BARD1: variants seen among roughly 807,000 people sequenced by gnomAD.
BARD1 encodes BRCA1-associated RING domain protein 1.
In BARD1, 73 loss-of-function variants were observed where a neutral mutation model predicts 77.0. The ratio of observed to expected loss-of-function variants is 0.95; its 90% confidence interval spans 0.79 to 1.15. The LOEUF (loss-of-function observed/expected upper bound fraction) is 1.15. Ranked by LOEUF, BARD1 falls within the 50% of genes most tolerant of loss-of-function variation. BARD1 has a pLI of 0.00. For synonymous variants in BARD1, 384 were observed against 338.0 expected (o/e 1.14, Z -1.49); for missense variants, 993 against 938.8 (o/e 1.06, Z -0.75).
rs1270302738 is a variant in BARD1, at chr2:214,727,286, G to A, written c.*1390C>T. 1 of 230,948 alleles carries A rather than the reference G, an allele frequency of 4.3e-6. No individual in the cohort carries two copies. Among genetic ancestry groups the A allele is most frequent in the Non-Finnish European group, 8.6e-6 (1 of 116,738 alleles). 14.3% of individuals were successfully genotyped at this position (230,948 alleles called of 1,614,324 possible). On this transcript the variant is annotated 3_prime_UTR_variant, in exon 11 of 11. Coordinates refer to ENST00000260947, the MANE Select transcript of BARD1 (RefSeq NM_000465.4). ...AACAGAATCTCAAACTTTCAAGTAA[G>A]TGCATCTTAAGATGTTGATGAACTT...
intron 2 of BARD1, among the ~76,000 whole-genome samples, chr2:214,792,780 T>C (rs1212641480): frequency 6.6e-6 from 1 of 152,304 alleles, no homozygotes; most frequent in East Asian, 1.9e-4. Context: ...TAACTTTTTC[T>C]ATCTTAACAT....
intron 2 of BARD1, among the ~76,000 whole-genome samples, chr2:214,795,727 G>C (rs78012796): frequency 6.6e-6 from 1 of 152,132 alleles, no homozygotes; most frequent in African/African-American, 2.4e-5. Context: ...AGAACTTAGC[G>C]ATGTGGGATA....
chr2:214,801,853 G>GA (rs976520220), intron 1 of BARD1, among the ~76,000 whole-genome samples: 3 of 149,436 alleles, frequency 2.0e-5, no homozygotes, highest in Middle Eastern at 3.4e-3. Flanking sequence ...ATTTGGCGGG[G>GA]GGGGGGGTTG....
At position 214,781,091 on chromosome 2, in the gene BARD1, T is replaced by C. The variant is rs201862973; in HGVS notation, c.783A>G (p.Leu261=). 61 of 1,590,464 alleles carry C rather than the reference T, an allele frequency of 3.8e-5. No homozygotes were observed. The East Asian group carries it at 1.1e-3, about 30-fold the overall frequency. ...SPQINGEIDL[L]ASGSLTESEC... Reference sequence around the variant, plus strand: ...CAGATTCTGTCAAGGAGCCACTTGCTAGTAAGTCTATTTCACCATTTATCT... The same window carrying C: ...CAGATTCTGTCAAGGAGCCACTTGCCAGTAAGTCTATTTCACCATTTATCT... The change falls in exon 4 of 11, where the codon CTA becomes CTG. Residue 261 remains leucine, a synonymous_variant. Transcript: ENST00000260947.
chr2:214,784,329 T>A (rs1324880826), intron 3 of BARD1, among the ~76,000 whole-genome samples: 1 of 152,106 alleles, frequency 6.6e-6, no homozygotes, highest in East Asian at 1.9e-4. Flanking sequence ...CAATGAGATA[T>A]CATCTCACGC....
intron 1 of BARD1, among the ~76,000 whole-genome samples, chr2:214,807,325 A>C (rs1696320992): frequency 6.6e-6 from 1 of 152,164 alleles, no homozygotes; most frequent in Non-Finnish European, 1.5e-5. Context: ...GTTGCCTCTT[A>C]CTGTCTACTC....
At chr2:214,738,308 T>C (rs1692657520) in intron 9 of BARD1, among the ~76,000 whole-genome samples, 1 of 152,276 alleles carries the variant, frequency 6.6e-6, no homozygotes, top group East Asian at 1.9e-4. Flanking sequence ...TGAGATCTTA[T>C]TAATTTTTTA....
At chr2:214,801,616 C>T (rs1376779727) in intron 1 of BARD1, among the ~76,000 whole-genome samples, 2 of 152,142 alleles carry the variant, frequency 1.3e-5, no homozygotes, top group African/African-American at 4.8e-5. Flanking sequence ...AGCCTATGTC[C>T]ATCTCTTGGA....
intron 4 of BARD1, among the ~76,000 whole-genome samples, chr2:214,778,245 A>C (rs1694823391): frequency 7.0e-6 from 1 of 142,856 alleles, no homozygotes; most frequent in Non-Finnish European, 1.5e-5. Flanking sequence ...AAATATATTT[A>C]TATAAGCAAA....
chr2:214,768,288 CT>C (rs60632302), intron 5 of BARD1, among the ~76,000 whole-genome samples: 56,453 of 151,940 alleles, frequency 0.37, 10,611 homozygotes, highest in Middle Eastern at 0.44. Flanking sequence ...GCATTCTATA[CT>C]TTTTAAGTAC....
chr2:214,736,088 T>C (rs1044545622), intron 9 of BARD1, among the ~76,000 whole-genome samples: 32 of 152,180 alleles, frequency 2.1e-4, no homozygotes, highest in African/African-American at 7.7e-4. Context: ...TTGAAAATTG[T>C]TTACATATAA....
chr2:214,781,284 T>C lies in BARD1; in HGVS notation c.590A>G (p.Lys197Arg), dbSNP rs2106111602. The C allele has an allele frequency of 6.2e-7, 1 of 1,603,990 alleles. No homozygotes were observed. The highest frequency in any genetic ancestry group is 8.5e-7 in the Non-Finnish European group (1 of 1,177,394). ...CTTTTTTCCAGATCTTGCAGAAGCC[T>C]TTTTAGCCCTCTCAGAAACATCTGC... ...PPADVSERAK[K>R]ASARSGKKQK... The change falls in exon 4 of 11, where the codon AAG becomes AGG. Residue 197 changes from lysine (K) to arginine (R), a missense_variant. Transcript: ENST00000260947.
intron 6 of BARD1, among the ~76,000 whole-genome samples, chr2:214,754,740 A>G (rs1305146571): frequency 6.6e-6 from 1 of 152,092 alleles, no homozygotes; most frequent in Non-Finnish European, 1.5e-5. Flanking sequence ...TGGATTATGG[A>G]TGGCTTCTGC....
intron 7 of BARD1, among the ~76,000 whole-genome samples, chr2:214,751,151 ATTTTTTTT>A (rs60746999): frequency 2.7e-5 from 1 of 37,188 alleles, no homozygotes; most frequent in African/African-American, 1.2e-4. Flanking sequence ...ATATATATAT[ATTTTTTTT>A]TTTTTTTTTT....
rs587782465 is a variant in BARD1, at chr2:214,809,473, C to G, written c.97G>C (p.Ala33Pro). The G allele has an allele frequency of 5.8e-5, 93 of 1,610,146 alleles. No individual in the cohort carries two copies. Among genetic ancestry groups the G allele is most frequent in the Non-Finnish European group, 7.5e-5 (89 of 1,179,264 alleles). The change falls in exon 1 of 11, where the codon GCC (alanine) becomes CCC (proline). Residue 33 changes from alanine (A) to proline (P), a missense_variant. Transcript: ENST00000260947. ...APAMEPDGRG[A>P]WAHSRAALDR... The stretch of plus-strand genomic sequence containing the variant: ...AGCGCGGCGCGACTGTGGGCCCAGG[C>G]ACCGCGACCATCCGGTTCCATGGCG...
At chr2:214,768,784 T>G (rs1306573535) in intron 5 of BARD1, among the ~76,000 whole-genome samples, 1 of 152,270 alleles carries the variant, frequency 6.6e-6, no homozygotes, top group Non-Finnish European at 1.5e-5. Flanking sequence ...AGATTTCTAC[T>G]GCCTTATATA....
intron 7 of BARD1, among the ~76,000 whole-genome samples, chr2:214,751,528 T>C (rs1333235622): frequency 1.3e-5 from 2 of 152,196 alleles, no homozygotes; most frequent in African/African-American, 2.4e-5. Flanking sequence ...TGTATATTTT[T>C]ATAGCTTATT....
In BARD1 at chr2:214,763,373, C is replaced by G. The variant is rs143980507; in HGVS notation, c.1568+4109G>C. ...ACAGACTGTTCACTGTTCACTCCTA[C>G]TAGAACAGAAGCAGGCAGACAACTG... On this transcript the variant is annotated intron_variant, in intron 6 of 10. Transcript: ENST00000260947. Among the ~76,000 whole-genome samples the G allele has an allele frequency of 3.8e-3, 571 of 152,204 alleles. 3 individuals carry two copies. The highest frequency in any genetic ancestry group is 0.013 in the African/African-American group (531 of 41,534).
chr2:214,740,002 T>G (rs1175576546), intron 9 of BARD1, among the ~76,000 whole-genome samples: 2 of 152,074 alleles, frequency 1.3e-5, no homozygotes, highest in Non-Finnish European at 2.9e-5. Context: ...TTATGCATAA[T>G]AATATCAAAA....
Sources: gnomAD v4.1 joint callset for allele counts (sites outside exome capture counted in the v4.1 genomes callset) on GRCh38, gnomAD v4.1.1 for gene constraint, MANE v1.5 for transcripts, NCBI Gene and HGNC (gene_info 2026-07-23, HGNC 2026-07-21) for gene names.